AGTPBP1: variants seen among roughly 807,000 people sequenced by gnomAD.
AGTPBP1 encodes cytosolic carboxypeptidase 1.
AGTPBP1 carries 70 observed loss-of-function variants against 143.9 expected under a neutral mutation model. The ratio of observed to expected loss-of-function variants is 0.49; its 90% confidence interval spans 0.40 to 0.59. The LOEUF (loss-of-function observed/expected upper bound fraction) is 0.59. Ranked by LOEUF, AGTPBP1 falls within the 20% of genes least tolerant of loss-of-function variation. The pLI is 0.00. For missense variants in AGTPBP1, 1,229 were observed against 1,464.5 expected (o/e 0.84, Z 2.62); for synonymous variants, 463 against 500.2 (o/e 0.93, Z 0.99).
At chr9:85,605,195 A>G (rs1046606041) in intron 17 of AGTPBP1, among the ~76,000 whole-genome samples, 4 of 152,310 alleles carry the variant, frequency 2.6e-5, no homozygotes, top group South Asian at 2.1e-4. Flanking sequence ...TTAATAATCA[A>G]ACTCCTAAAG....
intron 25 of AGTPBP1, among the ~76,000 whole-genome samples, chr9:85,565,945 CTAAAGGA>C (rs1313601861): frequency 6.6e-6 from 1 of 152,162 alleles, no homozygotes; most frequent in Non-Finnish European, 1.5e-5. Flanking sequence ...TCCCAAATGA[CTAAAGGA>C]TAAAGTCTAA....
intron 17 of AGTPBP1, among the ~76,000 whole-genome samples, chr9:85,597,309 T>G (rs1480102695): frequency 6.6e-6 from 1 of 152,040 alleles, no homozygotes; most frequent in Non-Finnish European, 1.5e-5. Flanking sequence ...AGGTTTTTAG[T>G]AGTCTCATGG....
chr9:85,746,316 C>G (rs972301224), upstream of AGTPBP1, among the ~76,000 whole-genome samples: 2 of 152,142 alleles, frequency 1.3e-5, no homozygotes, highest in African/African-American at 4.8e-5. Context: ...CACTACTTAA[C>G]CCACCCACAT....
chr9:85,742,940 G>A (rs1824468391), upstream of AGTPBP1, among the ~76,000 whole-genome samples: 1 of 152,098 alleles, frequency 6.6e-6, no homozygotes, highest in Non-Finnish European at 1.5e-5. Flanking sequence ...ATAAAATTAA[G>A]CAGGTGTGAA....
intron 3 of AGTPBP1, among the ~76,000 whole-genome samples, chr9:85,683,753 C>A (rs1231627034): frequency 6.6e-6 from 1 of 152,132 alleles, no homozygotes; most frequent in Non-Finnish European, 1.5e-5. Context: ...CCTCTGATAT[C>A]TTAATCCCTA....
At chr9:85,640,793 G>A (rs997876800) in intron 13 of AGTPBP1, among the ~76,000 whole-genome samples, 20 of 152,122 alleles carry the variant, frequency 1.3e-4, no homozygotes, top group Non-Finnish European at 5.9e-5. Flanking sequence ...TCAAAGTCCT[G>A]GACTTAATAC....
intron 1 of AGTPBP1, among the ~76,000 whole-genome samples, chr9:85,729,968 G>A (rs74735142): frequency 0.032 from 4,831 of 152,254 alleles, 103 homozygotes; most frequent in African/African-American, 0.053. Flanking sequence ...CACCAGAACA[G>A]GCCCAACATG....
At chr9:85,640,727 C>CA (rs1219966137) in intron 13 of AGTPBP1, among the ~76,000 whole-genome samples, 24 of 107,088 alleles carry the variant, frequency 2.2e-4, no homozygotes, top group African/African-American at 1.4e-3. Context: ...ACATAGAATG[C>CA]AAGACAACTC....
At chr9:85,743,344 A>G (rs948501454), upstream of AGTPBP1, among the ~76,000 whole-genome samples, 5 of 152,194 alleles carry the variant, frequency 3.3e-5, no homozygotes, top group African/African-American at 1.2e-4. Context: ...TAGTTTGATG[A>G]CCACAACACA....
At chr9:85,551,442 T>C (rs1826033881) in intron 25 of AGTPBP1, among the ~76,000 whole-genome samples, 2 of 152,212 alleles carry the variant, frequency 1.3e-5, no homozygotes, top group African/African-American at 2.4e-5. Flanking sequence ...ATGTATGCAA[T>C]TGAAAGCACT....
At position 85,692,771 on chromosome 9, in the gene AGTPBP1, C is replaced by T; in HGVS notation, c.75G>A (p.Leu25=). ...CTGAAGGCTCAGCATTGATCTTCTC[C>T]AGTTGAGCCAGGAGTCCTACGATCC... ...NSRIVGLLAQ[L]EKINAEPSES... is the part of the protein sequence containing the mutation. The change falls in exon 3 of 26, where the codon CTG becomes CTA. Residue 25 remains leucine (L), a synonymous_variant. Transcript: ENST00000357081. 6.2e-7 allele frequency: 1 copy of T among 1,613,856 alleles called. No homozygotes were observed. The highest frequency in any genetic ancestry group is 1.3e-5 in the African/African-American group (1 of 75,028).
At chr9:85,730,507 C>T (rs1033115189) in intron 1 of AGTPBP1, among the ~76,000 whole-genome samples, 1 of 152,146 alleles carries the variant, frequency 6.6e-6, no homozygotes, top group Non-Finnish European at 1.5e-5. Flanking sequence ...GTTCTTCTAC[C>T]ACCAGGCTCC....
At chr9:85,666,000 GTTAA>G (rs914754211) in intron 8 of AGTPBP1, among the ~76,000 whole-genome samples, 30 of 152,162 alleles carry the variant, frequency 2.0e-4, no homozygotes, top group East Asian at 3.9e-4. Context: ...ATAGTTTGTA[GTTAA>G]TTAATTAAAA....
intron 1 of AGTPBP1, among the ~76,000 whole-genome samples, chr9:85,724,034 C>A (rs1390828000): frequency 2.0e-5 from 3 of 152,070 alleles, no homozygotes; most frequent in Non-Finnish European, 4.4e-5. Flanking sequence ...TGCCTATAAT[C>A]CTAGCACTTT....
intron 2 of AGTPBP1, among the ~76,000 whole-genome samples, chr9:85,708,093 A>G (rs1837131592): frequency 6.6e-6 from 1 of 152,204 alleles, no homozygotes; most frequent in South Asian, 2.1e-4. Context: ...AAAAAAGAAG[A>G]AGAAATGGTT....
At chr9:85,689,900 A>C (rs1835734876) in intron 3 of AGTPBP1, among the ~76,000 whole-genome samples, 1 of 75,080 alleles carries the variant, frequency 1.3e-5, no homozygotes, top group Non-Finnish European at 2.3e-5. Context: ...CTCTGCCTCA[A>C]AAAAAAAAAA....
chr9:85,720,573 T>C (rs923933846), intron 1 of AGTPBP1, among the ~76,000 whole-genome samples: 6 of 152,200 alleles, frequency 3.9e-5, no homozygotes, highest in Non-Finnish European at 7.4e-5. Flanking sequence ...TTAGTCTTGC[T>C]AGTGGTCTAT....
the AGTPBP1 span, among the ~76,000 whole-genome samples, chr9:85,799,000 G>A: frequency 1.3e-5 from 2 of 152,150 alleles, no homozygotes; most frequent in South Asian, 4.2e-4. Flanking sequence ...CCTCCCGACA[G>A]GCCCTGGTGT....
rs1831777536 is a variant in AGTPBP1, at chr9:85,632,932, A to T, written c.1745T>A (p.Phe582Tyr). 1 of 1,614,056 alleles carries T rather than the reference A, an allele frequency of 6.2e-7. No individual in the cohort carries two copies. Among genetic ancestry groups the T allele is most frequent in the East Asian group, 2.2e-5 (1 of 44,866 alleles). ...CCCTAGCTGAACTGTTCTTCCCTCA[A>T]ACAGAACATTTCCACAAGTAGCCAT... Reference protein sequence around the residue: ...PHMATCGNVLFEGRTVQLGKL... With the variant: ...PHMATCGNVLYEGRTVQLGKL... Residue 582 changes from phenylalanine (F) to tyrosine (Y), a missense_variant, in exon 14 of 26, where the codon TTT becomes TAT. Physicochemically the swap from Phe to Tyr is conservative, Grantham distance 22. Coordinates refer to ENST00000357081, the MANE Select transcript of AGTPBP1 (RefSeq NM_001330701.2).
Sources: allele counts gnomAD v4.1 joint callset (sites outside exome capture counted in the v4.1 genomes callset), GRCh38; gene constraint gnomAD v4.1.1; transcripts MANE v1.5; gene names NCBI Gene and HGNC (gene_info 2026-07-23, HGNC 2026-07-21).